The following DLG2 variants were observed in gnomAD, a reference collection of about 807,000 sequenced individuals.
DLG2 encodes discs large MAGUK scaffold protein 2.
A neutral mutation model predicts 132.5 loss-of-function variants in DLG2; 45 were observed. The observed-to-expected ratio is 0.34, with a 90% confidence interval of 0.27 to 0.44. DLG2 has a LOEUF of 0.44. Ranked by LOEUF, DLG2 falls within the 20% of genes least tolerant of loss-of-function variation. The probability of loss-of-function intolerance (pLI) is 1.00; values close to 1 mark genes in which losing one functional copy is unlikely to be tolerated. For missense variants in DLG2, 1,045 were observed against 1,196.9 expected, an observed-to-expected ratio of 0.87 and a Z score of 1.87; for synonymous variants, 424 against 419.6, an observed-to-expected ratio of 1.01 and a Z score of -0.13.
intron 3 of DLG2, among the ~76,000 whole-genome samples, chr11:85,374,884 T>G (rs913228799): frequency 3.3e-5 from 5 of 152,156 alleles, no homozygotes; most frequent in Non-Finnish European, 1.5e-5. Context: ...AGAGACTATC[T>G]TTGTTCTTAG....
At chr11:83,573,121 G>T (rs1178315403) in intron 19 of DLG2, among the ~76,000 whole-genome samples, 1 of 151,786 alleles carries the variant, frequency 6.6e-6, no homozygotes. Flanking sequence ...AAATCTTTTG[G>T]TTTATTTACT....
At chr11:84,883,522 TA>T (rs1241725301) in intron 6 of DLG2, among the ~76,000 whole-genome samples, 1 of 151,722 alleles carries the variant, frequency 6.6e-6, no homozygotes, top group African/African-American at 2.4e-5. Flanking sequence ...ACAAAGACAT[TA>T]AAAAAAGAAA....
At chr11:85,138,918 C>G (rs2152426509) in intron 5 of DLG2, among the ~76,000 whole-genome samples, 1 of 152,138 alleles carries the variant, frequency 6.6e-6, no homozygotes, top group Non-Finnish European at 1.5e-5. Context: ...TGGCCTGTTA[C>G]CTGTTCCTCA....
At chr11:85,083,384 T>C (rs1006611003) in intron 6 of DLG2, among the ~76,000 whole-genome samples, 7 of 152,142 alleles carry the variant, frequency 4.6e-5, no homozygotes, top group Admixed American at 2.6e-4. Context: ...GTCCCTTCCA[T>C]TGGTCACCAA....
chr11:83,525,626 T>C (rs974543599), intron 21 of DLG2, among the ~76,000 whole-genome samples: 9 of 152,164 alleles, frequency 5.9e-5, no homozygotes, highest in African/African-American at 2.2e-4. Context: ...TTTATTCACC[T>C]TGAGGGCAAA....
At chr11:83,516,259 G>C (rs1449270781) in intron 21 of DLG2, among the ~76,000 whole-genome samples, 4 of 152,162 alleles carry the variant, frequency 2.6e-5, no homozygotes, top group Admixed American at 2.6e-4. Context: ...TTGTTGAATT[G>C]ATCCCTTTAC....
At chr11:85,324,965 G>T (rs368706832) in intron 3 of DLG2, among the ~76,000 whole-genome samples, 3 of 147,262 alleles carry the variant, frequency 2.0e-5, no homozygotes, top group Non-Finnish European at 3.0e-5. Flanking sequence ...CCTGGGAAGC[G>T]CAAGGGGTCA....
chr11:84,921,281 G>T (rs2092745148), intron 6 of DLG2, among the ~76,000 whole-genome samples: 1 of 152,048 alleles, frequency 6.6e-6, no homozygotes, highest in Non-Finnish European at 1.5e-5. Context: ...TACTGAAAAG[G>T]TAGAAGCATA....
chr11:84,220,219 T>G (rs1262060102), intron 8 of DLG2, among the ~76,000 whole-genome samples: 2 of 152,234 alleles, frequency 1.3e-5, no homozygotes, highest in Non-Finnish European at 2.9e-5. Flanking sequence ...ACTTGAACTC[T>G]GGTTATGAAC....
intron 3 of DLG2, among the ~76,000 whole-genome samples, chr11:85,387,348 C>G (rs184274170): frequency 1.1e-4 from 17 of 152,260 alleles, no homozygotes; most frequent in East Asian, 3.9e-4. Context: ...TACCTCAAGA[C>G]TATTAACTTG....
intron 9 of DLG2, among the ~76,000 whole-genome samples, chr11:84,146,982 C>T (rs2154246625): frequency 6.6e-6 from 1 of 152,236 alleles, no homozygotes; most frequent in Admixed American, 6.5e-5. Context: ...ATAGTGGCCA[C>T]TTTTCTGTAT....
At chr11:85,374,102 T>C (rs2085206748) in intron 3 of DLG2, among the ~76,000 whole-genome samples, 1 of 152,206 alleles carries the variant, frequency 6.6e-6, no homozygotes. Flanking sequence ...AGATGCTTTG[T>C]GCAAGGAATT....
At chr11:85,147,342 CGTGAA>C (rs2076937903) in intron 5 of DLG2, among the ~76,000 whole-genome samples, 1 of 152,106 alleles carries the variant, frequency 6.6e-6, no homozygotes, top group Non-Finnish European at 1.5e-5. Flanking sequence ...TCCTAATGAG[CGTGAA>C]GTGGTTTCTC....
At chr11:83,828,799 T>C (rs745680971) in intron 17 of DLG2, among the ~76,000 whole-genome samples, 1 of 152,208 alleles carries the variant, frequency 6.6e-6, no homozygotes, top group Admixed American at 6.5e-5. Context: ...TTATTGAATA[T>C]GTATACTATG....
At chr11:85,271,682 T>G (rs476781) in intron 4 of DLG2, among the ~76,000 whole-genome samples, 133,127 of 152,288 alleles carry the variant, frequency 0.87, 58,593 homozygotes, top group Non-Finnish European at 0.93. Context: ...AGTCAAAGAA[T>G]ATCAATCTGG....
At chr11:84,211,375 T>C (rs2096752621) in intron 8 of DLG2, among the ~76,000 whole-genome samples, 1 of 152,218 alleles carries the variant, frequency 6.6e-6, no homozygotes, top group Non-Finnish European at 1.5e-5. Context: ...CAGTGCCATA[T>C]TCTCTATAAG....
At chr11:84,794,932 G>A (rs572094844) in intron 6 of DLG2, among the ~76,000 whole-genome samples, 2 of 152,180 alleles carry the variant, frequency 1.3e-5, no homozygotes, top group Admixed American at 1.3e-4. Flanking sequence ...GGGCACCATC[G>A]ATAGACAGCA....
intron 6 of DLG2, among the ~76,000 whole-genome samples, chr11:84,901,796 A>G (rs772778229): frequency 4.2e-4 from 64 of 152,172 alleles, no homozygotes; most frequent in Non-Finnish European, 7.8e-4. Context: ...ACAATTATCA[A>G]AAGTAGAAAA....
At chr11:84,502,167 T>C (rs1336408789) in intron 7 of DLG2, among the ~76,000 whole-genome samples, 1 of 30,998 alleles carries the variant, frequency 3.2e-5, no homozygotes, top group Non-Finnish European at 7.1e-5. Flanking sequence ...CCTTTCTCTC[T>C]CTCTCTCTTT....
Sources: gnomAD v4.1 joint callset for allele counts (sites outside exome capture counted in the v4.1 genomes callset) on GRCh38, gnomAD v4.1.1 for gene constraint, MANE v1.5 for transcripts, NCBI Gene and HGNC (gene_info 2026-07-23, HGNC 2026-07-21) for gene names.